PDE6H: variants seen among roughly 807,000 people sequenced by gnomAD.
PDE6H encodes retinal cone rhodopsin-sensitive cGMP 3',5'-cyclic phosphodiesterase subunit gamma.
In PDE6H, 11 loss-of-function variants were observed where a neutral mutation model predicts 9.2. That is an observed-to-expected ratio of 1.19 (90% confidence interval 0.75 to 1.97). PDE6H has a LOEUF of 1.97. PDE6H is among the 30% of genes most tolerant of loss of function. The pLI, the probability that PDE6H is intolerant of heterozygous loss-of-function variation, is 0.00. For synonymous variants in PDE6H, 36 were observed against 33.6 expected, an observed-to-expected ratio of 1.07 and a Z score of -0.25; for missense variants, 98 against 101.5, an observed-to-expected ratio of 0.97 and a Z score of 0.15.
At chr12:14,980,959 A>G (rs903307910) in intron 3 of PDE6H, among the ~76,000 whole-genome samples, 2 of 152,190 alleles carry the variant, frequency 1.3e-5, no homozygotes, top group Non-Finnish European at 2.9e-5. Context: ...AAAGGAATAG[A>G]AGAACAATTA....
At chr12:14,980,190 GT>G (rs1864660857) in intron 3 of PDE6H, among the ~76,000 whole-genome samples, 1 of 152,044 alleles carries the variant, frequency 6.6e-6, no homozygotes, top group Non-Finnish European at 1.5e-5. Context: ...TGTCTCTATA[GT>G]TTTGCCTTTT....
chr12:14,973,077 A>G lies in PDE6H; in HGVS notation c.-51A>G, dbSNP rs1864543370. 6.6e-6 allele frequency: 1 copy of G among 152,220 alleles called. No homozygotes were observed. Among genetic ancestry groups the G allele is most frequent in the Non-Finnish European group, 1.5e-5 (1 of 68,052 alleles). 9.4% of individuals were successfully genotyped at this position (152,220 alleles called of 1,614,324 possible). ...CAGCTGGGCAGCTGATAGGAACAAC[A>G]TTCAGCTCCGTGAGTACTTCTGAAC... On this transcript the variant is annotated 5_prime_UTR_variant, in exon 1 of 4. Coordinates refer to ENST00000266395, the MANE Select transcript of PDE6H (RefSeq NM_006205.3).
intron 1 of PDE6H, among the ~76,000 whole-genome samples, 176 bp downstream of exon 1, chr12:14,973,262 T>C (rs918191982): frequency 2.6e-5 from 4 of 152,176 alleles, no homozygotes; most frequent in Non-Finnish European, 5.9e-5. Flanking sequence ...GACCTTCTTG[T>C]TATGCCATGG....
intron 1 of PDE6H, among the ~76,000 whole-genome samples, chr12:14,973,831 T>C (rs1864553236): frequency 6.6e-6 from 1 of 152,088 alleles, no homozygotes; most frequent in South Asian, 2.1e-4. Context: ...AAGTGTAAGG[T>C]GATAACAGCA....
intron 1 of PDE6H, 71 bp from the exon 2 acceptor site, chr12:14,977,901 A>G (rs1359673585): frequency 1.7e-5 from 18 of 1,069,578 alleles, no homozygotes; most frequent in Non-Finnish European, 2.4e-5. Flanking sequence ...TCCAGCCTGA[A>G]ATAAAGATCT....
At chr12:14,979,327 G>A (rs1864646842) in intron 3 of PDE6H, 108 bp downstream of exon 3, 1 of 738,656 alleles carries the variant, frequency 1.4e-6, no homozygotes, top group South Asian at 1.5e-5. Context: ...ACCCAAGGCA[G>A]AAGATCTGTG....
At chr12:14,974,762 G>A (rs571923015) in intron 1 of PDE6H, among the ~76,000 whole-genome samples, 6 of 152,318 alleles carry the variant, frequency 3.9e-5, no homozygotes, top group African/African-American at 1.4e-4. Flanking sequence ...TACCCAGCGA[G>A]GGCAGATGAT....
intron 3 of PDE6H, among the ~76,000 whole-genome samples, 180 bp downstream of exon 3, chr12:14,979,399 A>G (rs958666900): frequency 2.0e-5 from 3 of 152,248 alleles, no homozygotes; most frequent in African/African-American, 7.2e-5. Context: ...GCCCAGATAC[A>G]AAAGCCCTAA....
intron 3 of PDE6H, among the ~76,000 whole-genome samples, chr12:14,980,272 T>C (rs1443472616): frequency 6.6e-6 from 1 of 152,210 alleles, no homozygotes; most frequent in Non-Finnish European, 1.5e-5. Context: ...TTTAACCATA[T>C]TCATTTAAGG....
rs189481809 is a variant in PDE6H at position 14,978,491 on chromosome 12, A to G, written c.134+345A>G. Among the ~76,000 whole-genome samples, 29 of 152,320 alleles carry G rather than the reference A, an allele frequency of 1.9e-4. No individual in the cohort carries two copies. The East Asian group carries it at 3.3e-3, about 17-fold the overall frequency. On this transcript the variant is annotated intron_variant, in intron 2 of 3. Transcript: ENST00000266395. ...ACCACTGACCATTTCCAGAAAATATAGCTTATATTTATGTCTTCCAATTTT... is the reference window on the plus strand; with the variant it reads ...ACCACTGACCATTTCCAGAAAATATGGCTTATATTTATGTCTTCCAATTTT...
chr12:14,979,692 C>G (rs1199887783), intron 3 of PDE6H, among the ~76,000 whole-genome samples: 3 of 152,200 alleles, frequency 2.0e-5, no homozygotes, highest in South Asian at 2.1e-4. Context: ...TACACATCCT[C>G]TAGCACCCAG....
intron 3 of PDE6H, among the ~76,000 whole-genome samples, chr12:14,980,226 A>G (rs925839406): frequency 6.6e-6 from 1 of 152,210 alleles, no homozygotes; most frequent in Non-Finnish European, 1.5e-5. Flanking sequence ...AGTTAGACTC[A>G]TACAGTATAC....
At position 14,981,438 on chromosome 12, in the gene PDE6H, C is replaced by A. The variant is rs200270994; in HGVS notation, c.214C>A (p.Leu72Met). 39 of 1,613,574 alleles carry A rather than the reference C, an allele frequency of 2.4e-5. 1 individual carries two copies. In the East Asian group the frequency reaches 8.5e-4, roughly 35 times the overall value. Residue 72 changes from leucine (L) to methionine (M), a missense_variant, in exon 4 of 4, where the codon CTG (leucine) becomes ATG (methionine). Physicochemically the swap from Leu to Met is conservative, Grantham distance 15. Transcript: ENST00000266395. Reference protein sequence around the residue: ...VICPWEAFSHLELHELAQFGI... With the variant: ...VICPWEAFSHMELHELAQFGI... ...TTGTCCATGGGAGGCATTCAGCCAC[C>A]TGGAATTGCATGAGCTCGCTCAGTT...
At chr12:14,978,848 T>C (rs913238331) in intron 2 of PDE6H, among the ~76,000 whole-genome samples, 1 of 152,246 alleles carries the variant, frequency 6.6e-6, no homozygotes, top group African/African-American at 2.4e-5. Flanking sequence ...GAATTCATCA[T>C]TTTTAATGCC....
At chr12:14,973,186 TG>T (rs1243461574) in intron 1 of PDE6H, 100 bp downstream of exon 1, 1 of 152,212 alleles carries the variant, frequency 6.6e-6, no homozygotes, top group Admixed American at 6.5e-5. Flanking sequence ...GAAAACATGT[TG>T]GACCTGTGGG....
chr12:14,979,122 A>G, intron 2 of PDE6H, 57 bp from the exon 3 acceptor site: 3 of 1,145,430 alleles, frequency 2.6e-6, no homozygotes, highest in Non-Finnish European at 4.0e-6. Context: ...CATGTGAGTG[A>G]CTCCAAAATT....
chr12:14,979,097 A>T, intron 2 of PDE6H, 82 bp from the exon 3 acceptor site: 1 of 880,866 alleles, frequency 1.1e-6, no homozygotes, highest in Non-Finnish European at 1.9e-6. Flanking sequence ...TTCCCCCTTG[A>T]ATCAAGAAAC....
chr12:14,981,740 T>C lies in PDE6H; in HGVS notation c.*264T>C. The C allele has an allele frequency of 1.8e-6, 1 of 560,680 alleles. No individual in the cohort carries two copies. The highest frequency in any genetic ancestry group is 3.1e-5 in the Admixed American group (1 of 32,318). 34.7% of individuals were successfully genotyped at this position (560,680 alleles called of 1,614,324 possible). On this transcript the variant is annotated 3_prime_UTR_variant, in exon 4 of 4. Transcript: ENST00000266395. ...GTCATCAATATTTCTCTACATTTTG[T>C]TTATCTGTAAGTCCTTTAAATCTAT...
intron 1 of PDE6H, among the ~76,000 whole-genome samples, chr12:14,974,428 C>A (rs1435713625): frequency 2.0e-5 from 3 of 152,168 alleles, no homozygotes; most frequent in Non-Finnish European, 4.4e-5. Flanking sequence ...TAGTGCAAAT[C>A]CTGAGCACCA....
Sources: allele counts gnomAD v4.1 joint callset (sites outside exome capture counted in the v4.1 genomes callset), GRCh38; gene constraint gnomAD v4.1.1; transcripts MANE v1.5; gene names NCBI Gene and HGNC (gene_info 2026-07-23, HGNC 2026-07-21).